Variants in CATSPERD observed in about 807,000 individuals in gnomAD.
CATSPERD encodes cation channel sperm-associated auxiliary subunit delta.
In CATSPERD, 86 loss-of-function variants were observed where a neutral mutation model predicts 98.1. The ratio of observed to expected loss-of-function variants is 0.88; its 90% confidence interval spans 0.74 to 1.05. The LOEUF is 1.05. CATSPERD is among the 50% of genes least tolerant of loss of function. CATSPERD has a pLI of 0.00. For synonymous variants in CATSPERD, 394 were observed against 390.2 expected (o/e 1.01, Z -0.12); for missense variants, 995 against 1,005.7 (o/e 0.99, Z 0.14).
At position 5,757,953 on chromosome 19, in the gene CATSPERD, A is replaced by T. The variant is rs777994496; in HGVS notation, c.1368+21A>T. Reference sequence around the variant, plus strand: ...AACTGGTGAGCCGCGTCCCCACCAAACCCTGTCGCCTGTCCCTTGAGAGGC... The same window carrying T: ...AACTGGTGAGCCGCGTCCCCACCAATCCCTGTCGCCTGTCCCTTGAGAGGC... On this transcript the variant is annotated intron_variant, in intron 14 of 21. Coordinates refer to ENST00000381624, the MANE Select transcript of CATSPERD (RefSeq NM_152784.4). 3.1e-6 allele frequency: 5 copies of T among 1,599,912 alleles called. No individual in the cohort carries two copies. In the African/African-American group the frequency reaches 6.7e-5, roughly 22 times the overall value.
chr19:5,747,026 G>A (rs927975696), intron 9 of CATSPERD, among the ~76,000 whole-genome samples: 1 of 151,694 alleles, frequency 6.6e-6, no homozygotes, highest in African/African-American at 2.4e-5. Context: ...TGTATTTTTT[G>A]TAGAGACTGG....
chr19:5,748,692 T>C (rs2056144288), intron 10 of CATSPERD, among the ~76,000 whole-genome samples: 1 of 150,678 alleles, frequency 6.6e-6, no homozygotes. Flanking sequence ...CACATGAATT[T>C]TGTGATTATA....
chr19:5,767,577 TC>T (rs2056565038), intron 17 of CATSPERD, among the ~76,000 whole-genome samples: 1 of 150,940 alleles, frequency 6.6e-6, no homozygotes, highest in African/African-American at 2.4e-5. Context: ...AAGCTCCGCC[TC>T]CCTGGTTCAT....
chr19:5,736,318 A>T (rs1241305810), intron 5 of CATSPERD, among the ~76,000 whole-genome samples: 32 of 152,302 alleles, frequency 2.1e-4, no homozygotes, highest in Non-Finnish European at 7.3e-5. Flanking sequence ...GTGGGTAGAG[A>T]TACAGATGCT....
rs1446734603 is a variant in CATSPERD, at chr19:5,738,399, G to A, written c.460-927G>A. Among the ~76,000 whole-genome samples the A allele has an allele frequency of 2.0e-5, 3 of 151,668 alleles. No individual in the cohort carries two copies. The Admixed American group carries it at 2.0e-4, about 10-fold the overall frequency. On this transcript the variant is annotated intron_variant, in intron 6 of 21. Coordinates refer to ENST00000381624, the MANE Select transcript of CATSPERD (RefSeq NM_152784.4). ...AAGAAAAAAATAGCTAGATATGGTG[G>A]TGAGCACCTATAGTCCCAGTTACTC...
At chr19:5,745,692 T>C (rs981420730) in intron 8 of CATSPERD, among the ~76,000 whole-genome samples, 4 of 152,206 alleles carry the variant, frequency 2.6e-5, no homozygotes, top group Non-Finnish European at 4.4e-5. Context: ...AGTAATTCTC[T>C]ATTCAGAACT....
Position 5,766,086 on chromosome 19 carries a change from GTC to G in CATSPERD, c.1507-10_1507-9del. 1.2e-6 allele frequency: 2 copies of G among 1,609,536 alleles called. No homozygotes were observed. The highest frequency in any genetic ancestry group is 1.7e-6 in the Non-Finnish European group (2 of 1,177,330). The stretch of plus-strand genomic sequence containing the variant: ...CTCACTGACCTGGGTCCATATTTCT[GTC>G]TCTCTCCTCTGCAGTCGACACTGAT... On this transcript the variant is annotated splice_polypyrimidine_tract_variant and intron_variant, in intron 16 of 21. Transcript: ENST00000381624.
Position 5,769,328 on chromosome 19 carries a change from T to TG in CATSPERD, c.1634+1092dup, listed in dbSNP as rs1242214003. 3.5e-5 allele frequency among the ~76,000 whole-genome samples: 5 copies of TG among 141,618 alleles called. No homozygotes were observed. In the East Asian group the frequency reaches 8.2e-4, roughly 23 times the overall value. 92.9% of individuals were successfully genotyped at this position (141,618 alleles called of 152,430 possible). A position where few individuals can be genotyped will look rare whatever the true frequency, so the allele number is the denominator to read the frequency against. On this transcript the variant is annotated intron_variant, in intron 18 of 21. Transcript: ENST00000381624. ...AAAAAAAAAAAAGAGGGTGGTGGGA[T>TG]GGGGGGAGGAGGTGCCAGGCTCTTA...
At chr19:5,744,756 G>A (rs1366538002) in intron 8 of CATSPERD, among the ~76,000 whole-genome samples, 2 of 151,250 alleles carry the variant, frequency 1.3e-5, no homozygotes, top group Admixed American at 6.6e-5. Context: ...TCGTGCCACC[G>A]CGCCTGGCTA....
intron 5 of CATSPERD, among the ~76,000 whole-genome samples, chr19:5,734,412 G>T (rs1176575403): frequency 1.3e-5 from 2 of 152,280 alleles, no homozygotes; most frequent in African/African-American, 4.8e-5. Context: ...ACTGAGGCGG[G>T]CGGATCATCT....
chr19:5,727,126 C>T lies in CATSPERD; in HGVS notation c.127-142C>T, dbSNP rs947059564. ...AGGAGAATGGTGTGAACCTGGGAGG[C>T]GGAGCTTGCAGTGAGCCAAGATTGT... On this transcript the variant is annotated intron_variant, in intron 2 of 21. Coordinates refer to ENST00000381624, the MANE Select transcript of CATSPERD (RefSeq NM_152784.4). 36 of 563,796 alleles carry T rather than the reference C, an allele frequency of 6.4e-5. No homozygotes were observed. In the East Asian group the frequency reaches 7.2e-4, roughly 11 times the overall value. The allele number at this position is 563,796 out of a possible 1,614,324, so 34.9% of individuals were successfully genotyped here.
chr19:5,739,305 CTTTCT>C lies in CATSPERD; in HGVS notation c.460-17_460-13del, dbSNP rs755633754. The C allele has an allele frequency of 2.4e-6, 3 of 1,256,896 alleles. No homozygotes were observed. Among genetic ancestry groups the C allele is most frequent in the Admixed American group, 1.8e-5 (1 of 54,184 alleles). 77.9% of individuals were successfully genotyped at this position (1,256,896 alleles called of 1,614,324 possible). On this transcript the variant is annotated splice_polypyrimidine_tract_variant and intron_variant, in intron 6 of 21. Coordinates refer to ENST00000381624, the MANE Select transcript of CATSPERD (RefSeq NM_152784.4). ...TGCTGGCATCTTTCTTTCATTCTTT[CTTTCT>C]TTTTTTTTTTTATAGCATGTCAGTA...
intron 4 of CATSPERD, among the ~76,000 whole-genome samples, chr19:5,732,730 C>T (rs773837643): frequency 1.3e-5 from 2 of 152,108 alleles, no homozygotes; most frequent in Non-Finnish European, 2.9e-5. Context: ...GGCTGGAGTG[C>T]AGTGGTGCAA....
intron 20 of CATSPERD, chr19:5,775,160 C>T (rs990279718): frequency 8.8e-6 from 4 of 456,442 alleles, no homozygotes; most frequent in Non-Finnish European, 1.8e-5. Flanking sequence ...ACAACAGTTA[C>T]TACTGCTACT....
At chr19:5,757,780 G>A (rs1202622040) in intron 13 of CATSPERD, 63 bp from the exon 14 acceptor site, 2 of 1,283,238 alleles carry the variant, frequency 1.6e-6, no homozygotes, top group East Asian at 2.3e-5. Flanking sequence ...TCACTGTGGG[G>A]GTTTGTCACC....
intron 7 of CATSPERD, among the ~76,000 whole-genome samples, chr19:5,742,324 GTGTGCA>G (rs940609676): frequency 5.7e-5 from 7 of 123,824 alleles, no homozygotes; most frequent in African/African-American, 8.4e-5. Flanking sequence ...GTGGGTGTGC[GTGTGCA>G]TGTGTGTACA....
intron 5 of CATSPERD, among the ~76,000 whole-genome samples, chr19:5,735,100 C>T (rs1283429251): frequency 6.6e-6 from 1 of 152,074 alleles, no homozygotes; most frequent in Non-Finnish European, 1.5e-5. Context: ...TCAAGTCCAC[C>T]CTAGGCAACA....
chr19:5,767,213 A>C (rs1184466217), intron 17 of CATSPERD, among the ~76,000 whole-genome samples: 1 of 140,644 alleles, frequency 7.1e-6, no homozygotes, highest in African/African-American at 2.6e-5. Context: ...GCTACTCGGG[A>C]GGCTGAGGCA....
chr19:5,745,972 T>C lies in CATSPERD; in HGVS notation c.717T>C (p.Tyr239=), dbSNP rs1459983433. ...LNRSFGLSFD[Y]NGTLDILIAP... is the part of the protein sequence containing the mutation. The stretch of plus-strand genomic sequence containing the variant: ...GGAGTTTCGGGCTGTCTTTTGACTA[T>C]AATGGGACTCTAGACATCCTCATCG... The change falls in exon 9 of 22, where the codon TAT becomes TAC. Residue 239 remains tyrosine, a synonymous_variant. Transcript: ENST00000381624. 2 of 1,614,058 alleles carry C rather than the reference T, an allele frequency of 1.2e-6. No individual in the cohort carries two copies. The highest frequency in any genetic ancestry group is 1.7e-6 in the Non-Finnish European group (2 of 1,180,032).
Sources: allele counts gnomAD v4.1 joint callset (sites outside exome capture counted in the v4.1 genomes callset), GRCh38; gene constraint gnomAD v4.1.1; transcripts MANE v1.5; gene names NCBI Gene and HGNC (gene_info 2026-07-23, HGNC 2026-07-21).